NCOA5: variants seen among roughly 807,000 people sequenced by gnomAD.
NCOA5 encodes NCoA-5.
NCOA5 carries 12 observed loss-of-function variants against 59.0 expected under a neutral mutation model. The observed-to-expected ratio is 0.20, with a 90% CI of 0.13 to 0.33. The LOEUF is 0.33. NCOA5 is among the 10% of genes least tolerant of loss of function. The probability of loss-of-function intolerance (pLI) is 1.00; values close to 1 mark genes in which losing one functional copy is unlikely to be tolerated. For synonymous variants in NCOA5, 270 were observed against 275.5 expected, an observed-to-expected ratio of 0.98 and a Z score of 0.20; for missense variants, 655 against 766.6, an observed-to-expected ratio of 0.85 and a Z score of 1.72.
At chr20:46,074,708 G>A (rs1457740466) in intron 2 of NCOA5, among the ~76,000 whole-genome samples, 1 of 152,220 alleles carries the variant, frequency 6.6e-6, no homozygotes, top group Non-Finnish European at 1.5e-5. Flanking sequence ...TCTTCCTGAG[G>A]ACTAAAGGGG....
At position 46,062,372 on chromosome 20, in the gene NCOA5, G is replaced by C; in HGVS notation, c.1668C>G (p.His556Gln). Residue 556 changes from histidine to glutamine, a missense_variant, in exon 8 of 8, where the codon CAC becomes CAG. Physicochemically the swap from His to Gln is conservative, Grantham distance 24 (BLOSUM62 0). Coordinates refer to ENST00000290231, the MANE Select transcript of NCOA5 (RefSeq NM_020967.3). ...TLIQSGPALS[H>Q]LVSQTTAQMG... Reference sequence around the variant, plus strand: ...TCTGTGCTGTGGTCTGGCTAACCAGGTGGGAGAGAGCAGGGCCACTCTGGA... The same window carrying C: ...TCTGTGCTGTGGTCTGGCTAACCAGCTGGGAGAGAGCAGGGCCACTCTGGA... 1 of 1,614,138 alleles carries C rather than the reference G, an allele frequency of 6.2e-7. No homozygotes were observed. Among genetic ancestry groups the C allele is most frequent in the Non-Finnish European group, 8.5e-7 (1 of 1,180,018 alleles).
intron 6 of NCOA5, 124 bp from the exon 7 acceptor site, chr20:46,063,804 T>C (rs75063505): frequency 2.0e-6 from 2 of 1,010,502 alleles, no homozygotes; most frequent in East Asian, 2.6e-5. Context: ...ACAAAAAGCC[T>C]TGAGATTGAG....
chr20:46,085,333 T>A (rs575265086), intron 1 of NCOA5, among the ~76,000 whole-genome samples: 19 of 152,254 alleles, frequency 1.2e-4, no homozygotes, highest in African/African-American at 4.1e-4. Flanking sequence ...GGCCTGGAGT[T>A]CACTGTTTAT....
At chr20:46,077,905 G>C (rs898802945) in intron 2 of NCOA5, among the ~76,000 whole-genome samples, 1 of 152,194 alleles carries the variant, frequency 6.6e-6, no homozygotes, top group African/African-American at 2.4e-5. Context: ...ACATTATACG[G>C]AACTGCTGAA....
In NCOA5 at chr20:46,063,632, T is replaced by C. The variant is rs747885650; in HGVS notation, c.878A>G (p.Asn293Ser). The C allele has an allele frequency of 1.2e-6, 2 of 1,614,008 alleles. No homozygotes were observed. Among genetic ancestry groups the C allele is most frequent in the East Asian group, 2.2e-5 (1 of 44,874 alleles). Residue 293 changes from asparagine to serine, a missense_variant, in exon 7 of 8, where the codon AAT becomes AGT. Physicochemically the swap from Asn to Ser is conservative, Grantham distance 46. This residue lies in a region of NCOA5 where 80 missense variants were observed against 153.3 expected (regional missense o/e 0.52). Coordinates refer to ENST00000290231, the MANE Select transcript of NCOA5 (RefSeq NM_020967.3). ...GCACTCATTCTTGTAACGCTCATAATTTCTGGCCACCAGCACCATGGCATC... is the reference window on the plus strand; with the variant it reads ...GCACTCATTCTTGTAACGCTCATAACTTCTGGCCACCAGCACCATGGCATC... The part of the protein sequence containing the change: ...QADAMVLVAR[N>S]YERYKNECRE...
In NCOA5 at chr20:46,062,684, G is replaced by T; in HGVS notation, c.1356C>A (p.Ser452=). 1.2e-6 allele frequency: 2 copies of T among 1,614,098 alleles called. No individual in the cohort carries two copies. Among genetic ancestry groups the T allele is most frequent in the Non-Finnish European group, 1.7e-6 (2 of 1,179,956 alleles). ...GTVTANSSSA[S]PSVAAGNTPN... is the part of the protein sequence containing the mutation. ...GGGTGTTTCCGGCAGCAACCGAGGG[G>T]GATGCAGAGCTGCTATTGGCCGTCA... Residue 452 remains serine, a synonymous_variant, in exon 8 of 8, where the codon TCC becomes TCA. Coordinates refer to ENST00000290231, the MANE Select transcript of NCOA5 (RefSeq NM_020967.3).
chr20:46,089,504 G>T (rs984419997), intron 1 of NCOA5, among the ~76,000 whole-genome samples: 1 of 152,224 alleles, frequency 6.6e-6, no homozygotes, highest in African/African-American at 2.4e-5. Flanking sequence ...AACCAGAGAA[G>T]CCTTGAGGAC....
intron 3 of NCOA5, 140 bp from the exon 4 acceptor site, chr20:46,068,778 T>A: frequency 1.4e-6 from 1 of 736,744 alleles, no homozygotes; most frequent in Non-Finnish European, 2.1e-6. Context: ...TGTGATAGAG[T>A]TAACCTGTCT....
At chr20:46,075,883 G>A (rs1332189378) in intron 2 of NCOA5, among the ~76,000 whole-genome samples, 1 of 152,218 alleles carries the variant, frequency 6.6e-6, no homozygotes, top group Non-Finnish European at 1.5e-5. Flanking sequence ...GTGATCCAGA[G>A]CAGAGATTCC....
rs2084756951 is a variant in NCOA5 at position 46,061,113 on chromosome 20, G to GA, written c.*1186dup. ...AGAACATAAAATGCTGCCATTTGGG[G>GA]ACCTTGAATTTTGAAACCATTGTTT... On this transcript the variant is annotated 3_prime_UTR_variant, in exon 8 of 8. Coordinates refer to ENST00000290231, the MANE Select transcript of NCOA5 (RefSeq NM_020967.3). The GA allele has an allele frequency of 6.6e-6, 1 of 152,040 alleles. No homozygotes were observed. The highest frequency in any genetic ancestry group is 2.4e-5 in the African/African-American group (1 of 41,398). 9.4% of individuals were successfully genotyped at this position (152,040 alleles called of 1,614,324 possible). A position where few individuals can be genotyped will look rare whatever the true frequency, so the allele number is the denominator to read the frequency against.
At chr20:46,087,401 AT>A (rs1165255495) in intron 1 of NCOA5, among the ~76,000 whole-genome samples, 1 of 152,244 alleles carries the variant, frequency 6.6e-6, no homozygotes, top group African/African-American at 2.4e-5. Flanking sequence ...TGCAATGATT[AT>A]TTAAAATGAA....
intron 6 of NCOA5, 128 bp downstream of exon 6, chr20:46,064,901 T>C: frequency 1.2e-6 from 1 of 855,320 alleles, no homozygotes; most frequent in Non-Finnish European, 1.9e-6. Context: ...CCATGGTACT[T>C]AAGAGAGGGG....
chr20:46,063,318 T>C, intron 7 of NCOA5, 42 bp downstream of exon 7: 2 of 1,589,112 alleles, frequency 1.3e-6, no homozygotes, highest in Non-Finnish European at 1.7e-6. Flanking sequence ...ATTAGAGAAA[T>C]GCAGAGTCAG....
At chr20:46,086,032 T>C (rs2085041845) in intron 1 of NCOA5, among the ~76,000 whole-genome samples, 1 of 152,166 alleles carries the variant, frequency 6.6e-6, no homozygotes, top group African/African-American at 2.4e-5. Context: ...TACAGGTGCA[T>C]GCACCACCAC....
At chr20:46,076,188 GT>G (rs762655626) in intron 2 of NCOA5, among the ~76,000 whole-genome samples, 1 of 151,558 alleles carries the variant, frequency 6.6e-6, no homozygotes, top group African/African-American at 2.4e-5. Context: ...CATAGGTAGT[GT>G]TTTTTTTCCC....
intron 2 of NCOA5, among the ~76,000 whole-genome samples, chr20:46,075,554 A>G (rs981002537): frequency 2.0e-5 from 3 of 152,234 alleles, no homozygotes; most frequent in Non-Finnish European, 2.9e-5. Context: ...ATGGGGAAAA[A>G]TCCTCTGCAG....
rs569634263 is a variant in NCOA5, at chr20:46,062,042, A to G, written c.*258T>C. On this transcript the variant is annotated 3_prime_UTR_variant, in exon 8 of 8. Transcript: ENST00000290231. ...GAAACCCCATCAAATACAAGCCCAG[A>G]CACCTGTACTGCCCCCGGAGATATT... The G allele has an allele frequency of 3.1e-6, 1 of 319,258 alleles. No homozygotes were observed. The highest frequency in any genetic ancestry group is 2.1e-5 in the African/African-American group (1 of 47,382). The allele number at this position is 319,258 out of a possible 1,614,324, so 19.8% of individuals were successfully genotyped here.
chr20:46,063,862 C>T (rs1307930640), intron 6 of NCOA5, among the ~76,000 whole-genome samples, 182 bp from the exon 7 acceptor site: 2 of 151,990 alleles, frequency 1.3e-5, no homozygotes, highest in Admixed American at 6.6e-5. Context: ...GGGAAGTGAA[C>T]GAACACTTTT....
intron 2 of NCOA5, among the ~76,000 whole-genome samples, chr20:46,071,955 C>A (rs1329161658): frequency 6.6e-6 from 1 of 152,152 alleles, no homozygotes; most frequent in Non-Finnish European, 1.5e-5. Flanking sequence ...TAAAACCTGC[C>A]CTGAACTCTT....
Sources: allele counts gnomAD v4.1 joint callset (sites outside exome capture counted in the v4.1 genomes callset), GRCh38; gene constraint gnomAD v4.1.1; regional missense constraint gnomAD v4.1.1; transcripts MANE v1.5; gene names NCBI Gene and HGNC (gene_info 2026-07-23, HGNC 2026-07-21).